DNAJB6: variants seen among roughly 807,000 people sequenced by gnomAD.
The protein encoded by DNAJB6 is DnaJ heat shock protein family (Hsp40) member B6.
DNAJB6 carries 16 observed loss-of-function variants against 42.7 expected under a neutral mutation model. The observed-to-expected ratio is 0.37, with a 90% CI of 0.25 to 0.57. The LOEUF is 0.57. Ranked by LOEUF, DNAJB6 falls within the 20% of genes least tolerant of loss-of-function variation. DNAJB6 has a pLI of 0.74. For synonymous variants in DNAJB6, 170 were observed against 163.5 expected, an observed-to-expected ratio of 1.04 and a Z score of -0.30; for missense variants, 347 against 416.8, an observed-to-expected ratio of 0.83 and a Z score of 1.46.
At chr7:157,351,392 G>T (rs1354524954) in intron 1 of DNAJB6, among the ~76,000 whole-genome samples, 1 of 152,144 alleles carries the variant, frequency 6.6e-6, no homozygotes, top group East Asian at 1.9e-4. Flanking sequence ...ACTTTGGGAG[G>T]CCGAGGAGGG....
intron 8 of DNAJB6, among the ~76,000 whole-genome samples, chr7:157,394,476 T>A (rs1024933533): frequency 1.3e-5 from 2 of 151,496 alleles, no homozygotes; most frequent in Non-Finnish European, 2.9e-5. Context: ...CTACAGTGAG[T>A]CGTGATGACA....
chr7:157,413,804 C>T (rs113146827), intron 9 of DNAJB6: 6,833 of 149,580 alleles, frequency 0.046, 568 homozygotes, highest in African/African-American at 0.16. Context: ...CTCACTGCAA[C>T]CTCTGCCTCA....
chr7:157,414,504 A>T (rs1584955552), intron 9 of DNAJB6: 1 of 152,292 alleles, frequency 6.6e-6, no homozygotes, highest in Admixed American at 6.5e-5. Flanking sequence ...TGCAGCCGCC[A>T]ACGGCACACA....
chr7:157,362,062 G>A (rs1308620082), intron 2 of DNAJB6, among the ~76,000 whole-genome samples: 2 of 151,962 alleles, frequency 1.3e-5, no homozygotes, highest in East Asian at 1.9e-4. Context: ...CGCTGCACCC[G>A]GCCTTTTTTT....
intron 8 of DNAJB6, among the ~76,000 whole-genome samples, chr7:157,399,404 C>T (rs1377424242): frequency 1.3e-5 from 2 of 152,174 alleles, no homozygotes; most frequent in Admixed American, 6.5e-5. Flanking sequence ...TGGTGGTCCA[C>T]GTAGACCGCA....
At chr7:157,375,610 A>C (rs1800431945) in intron 5 of DNAJB6, among the ~76,000 whole-genome samples, 1 of 152,230 alleles carries the variant, frequency 6.6e-6, no homozygotes, top group Non-Finnish European at 1.5e-5. Flanking sequence ...GGAGAGAAAC[A>C]CTGAAGCCCT....
At chr7:157,347,841 G>A (rs1166266398) in intron 1 of DNAJB6, among the ~76,000 whole-genome samples, 1 of 152,242 alleles carries the variant, frequency 6.6e-6, no homozygotes, top group East Asian at 1.9e-4. Flanking sequence ...TGTCACCCTG[G>A]CTGGAGTGCA....
At chr7:157,391,051 G>C (rs985946319) in intron 8 of DNAJB6, among the ~76,000 whole-genome samples, 1 of 152,124 alleles carries the variant, frequency 6.6e-6, no homozygotes, top group Non-Finnish European at 1.5e-5. Flanking sequence ...GCCCAGGCTG[G>C]TCTTGAACTC....
intron 5 of DNAJB6, chr7:157,381,783 C>G (rs986456124): frequency 1.6e-4 from 19 of 116,256 alleles, no homozygotes; most frequent in African/African-American, 5.4e-4. Context: ...TGTGGGCGCG[C>G]GCATGTTAGG....
At chr7:157,373,619 G>C (rs112236266) in intron 5 of DNAJB6, among the ~76,000 whole-genome samples, 5 of 152,298 alleles carry the variant, frequency 3.3e-5, no homozygotes, top group African/African-American at 1.2e-4. Flanking sequence ...CCGAAGTGCT[G>C]GGATTACATG....
intron 8 of DNAJB6, among the ~76,000 whole-genome samples, chr7:157,399,956 G>A (rs1191703617): frequency 1.3e-5 from 2 of 152,094 alleles, no homozygotes; most frequent in South Asian, 4.1e-4. Context: ...GACGTGAGCC[G>A]CCGCACCCGG....
intron 1 of DNAJB6, among the ~76,000 whole-genome samples, chr7:157,355,577 G>A (rs1347325264): frequency 6.6e-6 from 1 of 152,134 alleles, no homozygotes; most frequent in African/African-American, 2.4e-5. Flanking sequence ...GGTGCTGTGG[G>A]TTTTTTACTG....
At chr7:157,363,318 T>G (rs751315424) in intron 3 of DNAJB6, 48 bp downstream of exon 3, 116 of 1,314,962 alleles carry the variant, frequency 8.8e-5, no homozygotes, top group Non-Finnish European at 1.1e-4. Context: ...CATGCCGGAA[T>G]GCGGAGTGGG....
intron 9 of DNAJB6, chr7:157,412,340 C>A (rs945166436): frequency 6.6e-6 from 1 of 152,198 alleles, no homozygotes; most frequent in African/African-American, 2.4e-5. Flanking sequence ...TCCGCCCCTG[C>A]AGGCTCGCTC....
In DNAJB6 at chr7:157,394,547, A is replaced by G. The variant is rs1801495585; in HGVS notation, c.691+8936A>G. ...TGTCTCAGAAAAAAAAAAGTTGAAA[A>G]TATGAATCCATCTAGAACATTTGTG... On this transcript the variant is annotated intron_variant, in intron 8 of 9. Coordinates refer to ENST00000262177, the MANE Select transcript of DNAJB6 (RefSeq NM_058246.4). 2.6e-5 allele frequency among the ~76,000 whole-genome samples: 4 copies of G among 152,230 alleles called. No individual in the cohort carries two copies. The South Asian group carries it at 8.3e-4, about 31-fold the overall frequency.
chr7:157,358,983 A>G (rs1295362841), intron 2 of DNAJB6, among the ~76,000 whole-genome samples: 2 of 152,138 alleles, frequency 1.3e-5, no homozygotes, highest in East Asian at 1.9e-4. Context: ...ATAGCACTCA[A>G]ATTTTCTTGT....
intron 2 of DNAJB6, among the ~76,000 whole-genome samples, chr7:157,359,398 A>G (rs185917603): frequency 8.9e-4 from 135 of 152,334 alleles, no homozygotes; most frequent in African/African-American, 3.2e-3. Context: ...TTTAATAAAA[A>G]TACAGAGTCT....
intron 9 of DNAJB6, chr7:157,410,420 CCTT>C (rs368810682): frequency 1.1e-4 from 36 of 330,224 alleles, no homozygotes; most frequent in Middle Eastern, 1.6e-3. Context: ...CCTTCTCGTG[CCTT>C]CTTCTGCGCT....
At chr7:157,407,576 C>A (rs1408164281) in intron 8 of DNAJB6, among the ~76,000 whole-genome samples, 1 of 152,132 alleles carries the variant, frequency 6.6e-6, no homozygotes, top group Non-Finnish European at 1.5e-5. Context: ...CTTCGTCTCT[C>A]CTCTCTCCCT....
Sources: allele counts gnomAD v4.1 joint callset (sites outside exome capture counted in the v4.1 genomes callset), GRCh38; gene constraint gnomAD v4.1.1; transcripts MANE v1.5; gene names NCBI Gene and HGNC (gene_info 2026-07-23, HGNC 2026-07-21).